Variants in RORB observed in about 807,000 individuals in gnomAD.
The protein encoded by RORB is nuclear receptor ROR-beta.
Under a neutral mutation model 59.1 loss-of-function variants are expected in RORB, and 6 were observed. The observed-to-expected ratio is 0.10, with a 90% CI of 0.06 to 0.20. The LOEUF (loss-of-function observed/expected upper bound fraction) is 0.20, where lower values mean the gene tolerates loss of function less well. Among genes scored for constraint, RORB ranks in the 10% least tolerant of loss-of-function variants. The pLI, the probability that RORB is intolerant of heterozygous loss-of-function variation, is 1.00. For synonymous variants in RORB, 215 were observed against 204.5 expected, an observed-to-expected ratio of 1.05 and a Z score of -0.44; for missense variants, 320 against 560.5, an observed-to-expected ratio of 0.57 and a Z score of 4.33.
intron 1 of RORB, among the ~76,000 whole-genome samples, chr9:74,514,879 C>A (rs1263466443): frequency 1.3e-5 from 2 of 151,078 alleles, no homozygotes; most frequent in African/African-American, 4.9e-5. Flanking sequence ...TTCAATATAC[C>A]ATTGACTAAT....
intron 1 of RORB, 23 bp downstream of exon 1, chr9:74,498,006 AGGCTCCCCGAGTCC>A: frequency 6.2e-7 from 1 of 1,607,392 alleles, no homozygotes; most frequent in East Asian, 2.2e-5. Context: ...GCGGGCACCG[AGGCTCCCCGAGTCC>A]GGCCAACTCC....
At chr9:74,606,020 C>T (rs999536027) in intron 1 of RORB, among the ~76,000 whole-genome samples, 2 of 152,140 alleles carry the variant, frequency 1.3e-5, no homozygotes, top group Admixed American at 1.3e-4. Flanking sequence ...TGTGGAGAAT[C>T]GCCAATCTAA....
At chr9:74,613,789 G>A (rs1823269072) in intron 1 of RORB, among the ~76,000 whole-genome samples, 1 of 152,132 alleles carries the variant, frequency 6.6e-6, no homozygotes, top group African/African-American at 2.4e-5. Flanking sequence ...AAGTGGAGAT[G>A]TTTAAGAGAA....
chr9:74,589,538 G>C (rs550603997), intron 1 of RORB, among the ~76,000 whole-genome samples: 52 of 152,298 alleles, frequency 3.4e-4, no homozygotes, highest in African/African-American at 1.2e-3. Context: ...TTATCTCATA[G>C]GACATTTATG....
chr9:74,616,990 T>TA (rs143525638), intron 1 of RORB, among the ~76,000 whole-genome samples: 46,576 of 147,522 alleles, frequency 0.32, 7,275 homozygotes, highest in Non-Finnish European at 0.35. Flanking sequence ...GCTGTAGCTT[T>TA]AAAAAAAAAA....
intron 1 of RORB, among the ~76,000 whole-genome samples, chr9:74,543,205 A>T (rs1289722727): frequency 6.6e-6 from 1 of 152,140 alleles, no homozygotes; most frequent in Non-Finnish European, 1.5e-5. Context: ...GCTTGGTAGG[A>T]GCCAGCATGC....
intron 1 of RORB, among the ~76,000 whole-genome samples, chr9:74,599,014 T>C (rs1823014324): frequency 6.6e-6 from 1 of 152,124 alleles, no homozygotes; most frequent in Non-Finnish European, 1.5e-5. Flanking sequence ...CTCACGACCA[T>C]GAGAACAGCA....
intron 4 of RORB, among the ~76,000 whole-genome samples, chr9:74,657,983 C>T (rs1460294971): frequency 5.3e-5 from 6 of 113,842 alleles, no homozygotes; most frequent in African/African-American, 2.2e-4. Flanking sequence ...CCAGCCGGGG[C>T]AACACAGTGA....
intron 1 of RORB, among the ~76,000 whole-genome samples, chr9:74,534,894 C>T (rs900637276): frequency 1.1e-4 from 17 of 152,016 alleles, no homozygotes; most frequent in African/African-American, 4.1e-4. Context: ...TTGGCAGCTG[C>T]CAAGCTACCC....
In RORB at chr9:74,605,518, T is replaced by G. The variant is rs543933399; in HGVS notation, c.8-24764T>G. On this transcript the variant is annotated intron_variant, in intron 1 of 9. Coordinates refer to ENST00000376896, the MANE Select transcript of RORB (RefSeq NM_006914.4). Reference sequence around the variant, plus strand: ...CTCCTAGCAAGGAAGTGACCCGGTGTCTGTCTGCTCCTTAGATTAAAGAGG... The same window carrying G: ...CTCCTAGCAAGGAAGTGACCCGGTGGCTGTCTGCTCCTTAGATTAAAGAGG... 5.3e-5 allele frequency among the ~76,000 whole-genome samples: 8 copies of G among 152,308 alleles called. No homozygotes were observed. The South Asian group carries it at 1.7e-3, about 32-fold the overall frequency.
intron 1 of RORB, among the ~76,000 whole-genome samples, chr9:74,531,085 A>G (rs1211158229): frequency 1.3e-5 from 2 of 151,944 alleles, no homozygotes; most frequent in African/African-American, 4.8e-5. Flanking sequence ...TCCCCCAATG[A>G]TGCTATTTAT....
intron 3 of RORB, 127 bp downstream of exon 3, chr9:74,634,899 G>T: frequency 1.2e-6 from 1 of 808,712 alleles, no homozygotes; most frequent in South Asian, 2.0e-5. Flanking sequence ...AAATCACTGT[G>T]CTGCTAGTGC....
chr9:74,548,531 T>C (rs912466598), intron 1 of RORB, among the ~76,000 whole-genome samples: 1 of 152,218 alleles, frequency 6.6e-6, no homozygotes. Flanking sequence ...GTGTTTCTTA[T>C]TTTGCAATTT....
intron 1 of RORB, among the ~76,000 whole-genome samples, chr9:74,564,479 ATTACTG>A (rs1280766648): frequency 6.6e-6 from 1 of 152,158 alleles, no homozygotes; most frequent in Non-Finnish European, 1.5e-5. Flanking sequence ...TAACCTGCAA[ATTACTG>A]TAACTCGCAA....
At chr9:74,641,606 A>G (rs948264259) in intron 3 of RORB, among the ~76,000 whole-genome samples, 1 of 152,170 alleles carries the variant, frequency 6.6e-6, no homozygotes, top group African/African-American at 2.4e-5. Context: ...CACACTATTT[A>G]GAAAATCGGC....
At chr9:74,646,223 G>A (rs929848258) in intron 4 of RORB, among the ~76,000 whole-genome samples, 6 of 152,014 alleles carry the variant, frequency 3.9e-5, no homozygotes, top group African/African-American at 1.4e-4. Flanking sequence ...TATGCAACTA[G>A]GTCATTATGC....
intron 1 of RORB, among the ~76,000 whole-genome samples, chr9:74,523,653 C>G (rs936057145): frequency 1.3e-5 from 2 of 151,890 alleles, no homozygotes; most frequent in Non-Finnish European, 2.9e-5. Flanking sequence ...GCCCTATAAT[C>G]AGAACATTAA....
chr9:74,647,948 T>G (rs933020831), intron 4 of RORB, among the ~76,000 whole-genome samples: 3 of 152,236 alleles, frequency 2.0e-5, no homozygotes, highest in Non-Finnish European at 2.9e-5. Context: ...TATTTTATAC[T>G]GTTTAAATCT....
intron 4 of RORB, among the ~76,000 whole-genome samples, chr9:74,654,414 C>T (rs1447562347): frequency 6.6e-6 from 1 of 150,378 alleles, no homozygotes; most frequent in East Asian, 2.0e-4. Flanking sequence ...TAGATACAGT[C>T]CATTTGGAAA....
Sources: allele counts gnomAD v4.1 joint callset (sites outside exome capture counted in the v4.1 genomes callset), GRCh38; gene constraint gnomAD v4.1.1; transcripts MANE v1.5; gene names NCBI Gene and HGNC (gene_info 2026-07-23, HGNC 2026-07-21).